The following TMEM132D variants were observed in gnomAD, a reference collection of about 807,000 sequenced individuals.
TMEM132D encodes the protein mature OL transmembrane protein.
Under a neutral mutation model 62.3 loss-of-function variants are expected in TMEM132D, and 21 were observed. The observed-to-expected ratio is 0.34, with a 90% CI of 0.24 to 0.49. TMEM132D has a LOEUF of 0.49. Among genes scored for constraint, TMEM132D ranks in the 20% least tolerant of loss-of-function variants. The probability of loss-of-function intolerance (pLI) is 0.99; values close to 1 mark genes in which losing one functional copy is unlikely to be tolerated. For missense variants in TMEM132D, 1,346 were observed against 1,402.8 expected (o/e 0.96, Z 0.65); for synonymous variants, 621 against 575.6 (o/e 1.08, Z -1.13).
Position 129,260,036 on chromosome 12 carries a change from G to T in TMEM132D, c.1300-50373C>A, listed in dbSNP as rs545163469. 1.9e-4 allele frequency among the ~76,000 whole-genome samples: 29 copies of T among 152,312 alleles called. 1 individual carries two copies. In the South Asian group the frequency reaches 6.0e-3, roughly 32 times the overall value. ...TCAGATAGGCAGTTGAGCCTGAAAT[G>T]AGTCTGAAAGTCATGGGAAAGTTTG... On this transcript the variant is annotated intron_variant, in intron 4 of 8. Coordinates refer to ENST00000422113, the MANE Select transcript of TMEM132D (RefSeq NM_133448.3).
At chr12:129,612,544 G>T (rs1878804314) in intron 2 of TMEM132D, among the ~76,000 whole-genome samples, 1 of 152,266 alleles carries the variant, frequency 6.6e-6, no homozygotes, top group African/African-American at 2.4e-5. Context: ...TACTCTTACA[G>T]GCTTAAAGCT....
At chr12:129,187,557 A>G (rs1019378507) in intron 5 of TMEM132D, among the ~76,000 whole-genome samples, 1 of 151,884 alleles carries the variant, frequency 6.6e-6, no homozygotes, top group Non-Finnish European at 1.5e-5. Flanking sequence ...TATCACAATT[A>G]CTAAGCCAGT....
intron 1 of TMEM132D, among the ~76,000 whole-genome samples, chr12:129,812,501 C>T (rs1006764999): frequency 2.6e-5 from 4 of 151,914 alleles, no homozygotes; most frequent in African/African-American, 9.7e-5. Flanking sequence ...TAAGAATCGT[C>T]TCCAGAAGCT....
At chr12:129,348,209 A>G (rs1869748050) in intron 3 of TMEM132D, among the ~76,000 whole-genome samples, 1 of 152,208 alleles carries the variant, frequency 6.6e-6, no homozygotes, top group Non-Finnish European at 1.5e-5. Flanking sequence ...TACTGGGTAT[A>G]TACCCAAGGG....
At position 129,517,670 on chromosome 12, in the gene TMEM132D, T is replaced by C. The variant is rs74397228; in HGVS notation, c.1115+13389A>G. Among the ~76,000 whole-genome samples the C allele has an allele frequency of 9.5e-4, 145 of 152,322 alleles. 3 individuals are homozygous for C. The East Asian group carries it at 0.026, about 27-fold the overall frequency. On this transcript the variant is annotated intron_variant, in intron 3 of 8. Transcript: ENST00000422113. ...CAATAAAAACTACATGAAATTTTCC[T>C]TCCCCATGCAAAATTCAATCCACAT...
intron 4 of TMEM132D, among the ~76,000 whole-genome samples, chr12:129,328,077 C>T (rs1005295623): frequency 1.1e-4 from 16 of 152,224 alleles, no homozygotes; most frequent in African/African-American, 3.6e-4. Context: ...TTCACAACTT[C>T]CCAGGCTGGG....
chr12:129,073,869 T>C lies in TMEM132D; in HGVS notation c.*6A>G, dbSNP rs1874155212. 6.6e-7 allele frequency: 1 copy of C among 1,525,284 alleles called. No homozygotes were observed. Among genetic ancestry groups the C allele is most frequent in the Non-Finnish European group, 8.8e-7 (1 of 1,137,740 alleles). 94.5% of individuals were successfully genotyped at this position (1,525,284 alleles called of 1,614,324 possible). A position where few individuals can be genotyped will look rare whatever the true frequency, so the allele number is the denominator to read the frequency against. On this transcript the variant is annotated 3_prime_UTR_variant, in exon 9 of 9. Coordinates refer to ENST00000422113, the MANE Select transcript of TMEM132D (RefSeq NM_133448.3). ...GAGTGAGAACCAATGTCTGTGTGTGTCTGGCTTACACATTTTCATGTAACC... is the reference window on the plus strand; with the variant it reads ...GAGTGAGAACCAATGTCTGTGTGTGCCTGGCTTACACATTTTCATGTAACC...
chr12:129,151,942 A>G (rs1355142196), intron 5 of TMEM132D, among the ~76,000 whole-genome samples: 2 of 149,838 alleles, frequency 1.3e-5, no homozygotes, highest in African/African-American at 4.9e-5. Flanking sequence ...CAGTGGTGCA[A>G]TCTTGGCTCA....
chr12:129,540,216 C>G (rs185246565), intron 2 of TMEM132D, among the ~76,000 whole-genome samples: 2 of 152,236 alleles, frequency 1.3e-5, no homozygotes, highest in East Asian at 3.9e-4. Flanking sequence ...GTCCCCGAGG[C>G]CAGGCATTCC....
chr12:129,101,468 G>A (rs1043275793), intron 5 of TMEM132D, among the ~76,000 whole-genome samples: 1 of 152,050 alleles, frequency 6.6e-6, no homozygotes, highest in Non-Finnish European at 1.5e-5. Flanking sequence ...ACTTGAATTT[G>A]CAGCCCCTGG....
chr12:129,196,245 G>A (rs1043767154), intron 5 of TMEM132D, among the ~76,000 whole-genome samples: 5 of 152,224 alleles, frequency 3.3e-5, no homozygotes, highest in Non-Finnish European at 7.3e-5. Context: ...TAAGCAGCAT[G>A]TTATAATCTT....
At position 129,704,666 on chromosome 12, in the gene TMEM132D, G is replaced by A. The variant is rs573688567; in HGVS notation, c.80-3968C>T. 6.8e-4 allele frequency among the ~76,000 whole-genome samples: 103 copies of A among 152,254 alleles called. 1 individual carries two copies. Among genetic ancestry groups the A allele is most frequent in the Non-Finnish European group, 1.0e-3 (70 of 68,024 alleles). On this transcript the variant is annotated intron_variant, in intron 1 of 8. Coordinates refer to ENST00000422113, the MANE Select transcript of TMEM132D (RefSeq NM_133448.3). ...GTCAACACCCCAGAGCATCCTCACC[G>A]TCCCCCCAGGGATGCCGGGTCATAT...
At chr12:129,545,848 T>C (rs1043390407) in intron 2 of TMEM132D, among the ~76,000 whole-genome samples, 1 of 152,226 alleles carries the variant, frequency 6.6e-6, no homozygotes, top group African/African-American at 2.4e-5. Context: ...TGAGAACACT[T>C]GGTTTAACTC....
Position 129,277,708 on chromosome 12 carries a change from A to T in TMEM132D, c.1299+59926T>A, listed in dbSNP as rs989950333. 2.0e-5 allele frequency among the ~76,000 whole-genome samples: 3 copies of T among 152,190 alleles called. No homozygotes were observed. The highest frequency in any genetic ancestry group is 7.2e-5 in the African/African-American group (3 of 41,454). ...CCCGTATTGTGTTTTTCTTATCAGA[A>T]TCATATCATATGAAGAAAAAAACAA... On this transcript the variant is annotated intron_variant, in intron 4 of 8. Transcript: ENST00000422113. This position sits in a 1 kb window ranked among gnomAD's most constrained non-coding sequence, Gnocchi z 4.2.
At chr12:129,605,604 T>TATATATATATATATATATATACAC (rs150550863) in intron 2 of TMEM132D, among the ~76,000 whole-genome samples, 13 of 106,276 alleles carry the variant, frequency 1.2e-4, no homozygotes, top group African/African-American at 4.7e-4. Context: ...TATATATATA[T>TATATATATATATATATATATACAC]ACACACACAT....
At chr12:129,585,296 C>T (rs967897494) in intron 2 of TMEM132D, among the ~76,000 whole-genome samples, 5 of 152,190 alleles carry the variant, frequency 3.3e-5, no homozygotes, top group Non-Finnish European at 7.3e-5. Flanking sequence ...CAAGGACGCC[C>T]ACATTCTACA....
intron 2 of TMEM132D, among the ~76,000 whole-genome samples, chr12:129,531,972 C>A (rs1027961480): frequency 6.6e-6 from 1 of 152,114 alleles, no homozygotes; most frequent in Non-Finnish European, 1.5e-5. Context: ...GGGAGGATCA[C>A]TTGAACCTGG....
At chr12:129,694,325 T>C (rs1881143693) in intron 2 of TMEM132D, among the ~76,000 whole-genome samples, 1 of 152,136 alleles carries the variant, frequency 6.6e-6, no homozygotes, top group African/African-American at 2.4e-5. Flanking sequence ...AAATCCCAAT[T>C]GAAGGACATT....
chr12:129,718,471 T>C (rs1301712238), intron 1 of TMEM132D, among the ~76,000 whole-genome samples: 1 of 152,250 alleles, frequency 6.6e-6, no homozygotes, highest in Admixed American at 6.5e-5. Flanking sequence ...AAACCTTTAC[T>C]GGCCAGTTGT....
Sources: gnomAD v4.1 joint callset for allele counts (sites outside exome capture counted in the v4.1 genomes callset) on GRCh38, gnomAD v4.1.1 for gene constraint, Gnocchi (gnomAD v3.1) non-coding constraint, MANE v1.5 for transcripts, NCBI Gene and HGNC (gene_info 2026-07-23, HGNC 2026-07-21) for gene names.